NAV2: variants seen among roughly 807,000 people sequenced by gnomAD.
The protein encoded by NAV2 is helicase, APC down-regulated 1.
A neutral mutation model predicts 223.2 loss-of-function variants in NAV2; 54 were observed. The ratio of observed to expected loss-of-function variants is 0.24; its 90% CI spans 0.19 to 0.30. The LOEUF (loss-of-function observed/expected upper bound fraction) is 0.30, where lower values mean the gene tolerates loss of function less well. Ranked by LOEUF, NAV2 falls within the 10% of genes least tolerant of loss-of-function variation. The pLI is 1.00. For missense variants in NAV2, 2,806 were observed against 3,147.5 expected (o/e 0.89, Z 2.60); for synonymous variants, 1,279 against 1,239.3 (o/e 1.03, Z -0.67).
At chr11:19,396,479 G>A (rs958842984) in intron 1 of NAV2, among the ~76,000 whole-genome samples, 29 of 152,174 alleles carry the variant, frequency 1.9e-4, no homozygotes, top group African/African-American at 6.0e-4. Flanking sequence ...TATTTAGAAC[G>A]CCCTATCTGT....
At chr11:19,716,434 G>C (rs903116868) in intron 1 of NAV2, among the ~76,000 whole-genome samples, 60 of 152,316 alleles carry the variant, frequency 3.9e-4, no homozygotes, top group African/African-American at 1.4e-3. Flanking sequence ...AGTGTTCAGT[G>C]CAGTGTCTGG....
chr11:20,035,019 A>G (rs770620401), intron 11 of NAV2, among the ~76,000 whole-genome samples: 3 of 152,112 alleles, frequency 2.0e-5, no homozygotes, highest in Non-Finnish European at 2.9e-5. Flanking sequence ...GGGGCCATAT[A>G]GAGAGTTTGG....
chr11:19,413,754 G>A (rs1456759899), intron 1 of NAV2, among the ~76,000 whole-genome samples: 1 of 152,184 alleles, frequency 6.6e-6, no homozygotes, highest in Admixed American at 6.5e-5. Flanking sequence ...AGCCAGAAGA[G>A]AGTGGGGGCC....
intron 1 of NAV2, among the ~76,000 whole-genome samples, chr11:19,670,457 C>A (rs2048546886): frequency 6.6e-6 from 1 of 152,164 alleles, no homozygotes; most frequent in Admixed American, 6.5e-5. Flanking sequence ...AAGTGTCTAC[C>A]CTTGCAGTGC....
At chr11:20,033,220 T>C (rs1353483596) in intron 11 of NAV2, among the ~76,000 whole-genome samples, 1 of 152,246 alleles carries the variant, frequency 6.6e-6, no homozygotes, top group African/African-American at 2.4e-5. Flanking sequence ...CTTGCAGGTA[T>C]GATATGAGGA....
chr11:19,802,385 A>T (rs1375283611), intron 1 of NAV2, among the ~76,000 whole-genome samples: 2 of 152,134 alleles, frequency 1.3e-5, no homozygotes, highest in Middle Eastern at 3.4e-3. Flanking sequence ...TCTTTTTTCT[A>T]AAGAAAGACT....
At chr11:19,388,898 T>G (rs982693538) in intron 1 of NAV2, among the ~76,000 whole-genome samples, 2 of 152,182 alleles carry the variant, frequency 1.3e-5, no homozygotes, top group South Asian at 2.1e-4. Context: ...AAAGGTTAAG[T>G]ACCTATCCCA....
chr11:19,511,337 G>A (rs538387408), intron 1 of NAV2: 1 of 152,358 alleles, frequency 6.6e-6, no homozygotes, highest in South Asian at 2.1e-4. Flanking sequence ...GATCCAGGGA[G>A]GCTTATGTGA....
intron 11 of NAV2, among the ~76,000 whole-genome samples, chr11:20,009,886 C>T (rs982053536): frequency 2.0e-5 from 3 of 152,086 alleles, no homozygotes; most frequent in African/African-American, 7.3e-5. Flanking sequence ...CTACCCCACA[C>T]CAAAGACCAG....
intron 1 of NAV2, among the ~76,000 whole-genome samples, chr11:19,618,344 T>G (rs1361697099): frequency 2.7e-5 from 4 of 145,606 alleles, no homozygotes; most frequent in Non-Finnish European, 6.0e-5. Flanking sequence ...ATGGATTGCT[T>G]GATGGATTGC....
intron 1 of NAV2, among the ~76,000 whole-genome samples, chr11:19,788,462 A>G (rs113598546): frequency 1.1e-4 from 16 of 152,188 alleles, no homozygotes; most frequent in Non-Finnish European, 1.9e-4. Context: ...CAGTAGATCT[A>G]AAGTCCAACA....
intron 1 of NAV2, among the ~76,000 whole-genome samples, chr11:19,695,060 T>C (rs570996062): frequency 2.0e-5 from 3 of 152,186 alleles, no homozygotes; most frequent in South Asian, 4.1e-4. Context: ...GGGAATGTAC[T>C]CCCAGTATTC....
upstream of NAV2, among the ~76,000 whole-genome samples, chr11:19,350,026 G>A (rs993977251): frequency 1.3e-5 from 2 of 151,984 alleles, no homozygotes; most frequent in East Asian, 1.9e-4. Context: ...AAATATTGAT[G>A]CTTTGTGCTT....
chr11:19,748,638 TA>T (rs1387653898), intron 1 of NAV2, among the ~76,000 whole-genome samples: 1 of 152,164 alleles, frequency 6.6e-6, no homozygotes, highest in Non-Finnish European at 1.5e-5. Context: ...AATGAATGAG[TA>T]GACATTGTCA....
chr11:19,480,520 C>G (rs2042246610), intron 1 of NAV2, among the ~76,000 whole-genome samples: 1 of 152,018 alleles, frequency 6.6e-6, no homozygotes, highest in African/African-American at 2.4e-5. Context: ...GCCGGTGCAG[C>G]CTTTTCTTTA....
rs1459133637 is a variant in NAV2, at chr11:19,860,191, A to G, written c.439-8734A>G. Among the ~76,000 whole-genome samples the G allele has an allele frequency of 6.7e-3, 800 of 118,802 alleles. 8 individuals are homozygous for G. Among genetic ancestry groups the G allele is most frequent in the African/African-American group, 0.022 (671 of 30,412 alleles). The allele number at this position is 118,802 out of a possible 152,430, so 77.9% of individuals were successfully genotyped here. A position where few individuals can be genotyped will look rare whatever the true frequency, so the allele number is the denominator to read the frequency against. ...GGGGCTGACCCCCCACCTCCCTCCC[A>G]GACGGGGTGGCTGCCGGGCGGAGAC... On this transcript the variant is annotated intron_variant, in intron 3 of 37. Coordinates refer to ENST00000349880, the MANE Select transcript of NAV2 (RefSeq NM_145117.5).
chr11:19,779,773 TC>T (rs541977463), intron 1 of NAV2, among the ~76,000 whole-genome samples: 103 of 152,332 alleles, frequency 6.8e-4, no homozygotes, highest in African/African-American at 2.4e-3. Context: ...ACATAATCTG[TC>T]CCCACTCTAC....
chr11:20,080,858 G>A (rs182938837), intron 25 of NAV2, among the ~76,000 whole-genome samples: 2,707 of 152,250 alleles, frequency 0.018, 24 homozygotes, highest in Non-Finnish European at 0.024. Context: ...GGTGCCTTGA[G>A]TGGTTTTTTC....
At chr11:19,830,095 T>A (rs541224559) in intron 1 of NAV2, among the ~76,000 whole-genome samples, 5 of 152,028 alleles carry the variant, frequency 3.3e-5, no homozygotes, top group Non-Finnish European at 7.4e-5. Context: ...CGTGGTGGCA[T>A]GCACCTGTAA....
Sources: gnomAD v4.1 joint callset for allele counts (sites outside exome capture counted in the v4.1 genomes callset) on GRCh38, gnomAD v4.1.1 for gene constraint, MANE v1.5 for transcripts, NCBI Gene and HGNC (gene_info 2026-07-23, HGNC 2026-07-21) for gene names.